The following PHF20 variants were observed in gnomAD, a reference collection of about 807,000 sequenced individuals.
PHF20 encodes glioma-expressed antigen 2.
A neutral mutation model predicts 113.5 loss-of-function variants in PHF20; 23 were observed. The observed-to-expected ratio is 0.20, with a 90% CI of 0.15 to 0.29. The LOEUF is 0.29. Among genes scored for constraint, PHF20 ranks in the 10% least tolerant of loss-of-function variants. PHF20 has a pLI of 1.00. For missense variants in PHF20, 943 were observed against 1,219.6 expected (o/e 0.77, Z 3.38); for synonymous variants, 434 against 457.3 (o/e 0.95, Z 0.65).
chr20:35,823,994 G>C (rs1197111893), intron 2 of PHF20, among the ~76,000 whole-genome samples: 1 of 152,164 alleles, frequency 6.6e-6, no homozygotes, highest in African/African-American at 2.4e-5. Flanking sequence ...AAAGACATAT[G>C]GATTGTTTCC....
chr20:35,831,137 C>G (rs908252906), intron 2 of PHF20, among the ~76,000 whole-genome samples: 1 of 151,010 alleles, frequency 6.6e-6, no homozygotes, highest in Non-Finnish European at 1.5e-5. Flanking sequence ...CCCTCCCTCC[C>G]TCTCTTCCTC....
At chr20:35,871,275 A>T in intron 8 of PHF20, 141 bp downstream of exon 8, 2 of 724,862 alleles carry the variant, frequency 2.8e-6, no homozygotes, top group South Asian at 3.5e-5. Flanking sequence ...TGTTTTTATA[A>T]TGTATTGCTC....
rs1252051184 is a variant in PHF20, at chr20:35,891,393, A to G, written c.1283-7977A>G. 9.3e-5 allele frequency among the ~76,000 whole-genome samples: 14 copies of G among 150,910 alleles called. No individual in the cohort carries two copies. The South Asian group carries it at 2.1e-3, about 23-fold the overall frequency. On this transcript the variant is annotated intron_variant, in intron 9 of 17. Transcript: ENST00000374012. Reference sequence around the variant, plus strand: ...CTCTATGTCAAAAAAAAAAAAAAAAAGGCAGCACATTGGGTATTTCAACAT... The same window carrying G: ...CTCTATGTCAAAAAAAAAAAAAAAAGGGCAGCACATTGGGTATTTCAACAT...
chr20:35,803,360 T>C (rs1488759763), intron 2 of PHF20, among the ~76,000 whole-genome samples: 1 of 151,826 alleles, frequency 6.6e-6, no homozygotes, highest in Non-Finnish European at 1.5e-5. Context: ...GTCTTGCTCT[T>C]TCATTCAGGC....
At chr20:35,928,466 A>AT (rs2055689128) in intron 14 of PHF20, 1 of 141,336 alleles carries the variant, frequency 7.1e-6, no homozygotes, top group Admixed American at 7.1e-5. Flanking sequence ...AAAAAAAAGC[A>AT]TGAGATCTAC....
chr20:35,885,467 CTTTTTTTTTTTTTTTTTTTT>C (rs577878410), intron 9 of PHF20, among the ~76,000 whole-genome samples: 1 of 35,724 alleles, frequency 2.8e-5, no homozygotes, highest in South Asian at 6.2e-4. Context: ...GGGGAATAAG[CTTTTTTTTTTTTTTTTTTTT>C]TTTTTTTTTT....
intron 9 of PHF20, among the ~76,000 whole-genome samples, chr20:35,880,462 C>T (rs2054608123): frequency 6.6e-6 from 1 of 152,046 alleles, no homozygotes; most frequent in African/African-American, 2.4e-5. Context: ...GGGAGATAGC[C>T]TGTGTTGGCA....
At chr20:35,836,786 G>C (rs991761438) in intron 2 of PHF20, among the ~76,000 whole-genome samples, 1 of 150,726 alleles carries the variant, frequency 6.6e-6, no homozygotes, top group African/African-American at 2.4e-5. Context: ...GGCAGAGCCT[G>C]CAGTGAGCCG....
chr20:35,800,462 T>A (rs1422891813), intron 1 of PHF20, among the ~76,000 whole-genome samples: 1 of 151,958 alleles, frequency 6.6e-6, no homozygotes, highest in Admixed American at 6.6e-5. Context: ...GTAGGAAATA[T>A]ACATAGATCA....
chr20:35,917,046 G>A (rs931448004), intron 12 of PHF20: 2 of 289,420 alleles, frequency 6.9e-6, no homozygotes, highest in African/African-American at 4.4e-5. Context: ...TTAGAGGCAT[G>A]AACCACCATG....
At chr20:35,786,389 C>CAATAAATA (rs542171645) in intron 1 of PHF20, among the ~76,000 whole-genome samples, 1 of 149,772 alleles carries the variant, frequency 6.7e-6, no homozygotes, top group African/African-American at 2.5e-5. Context: ...GACTCCGTCT[C>CAATAAATA]AATAAATAAA....
intron 5 of PHF20, among the ~76,000 whole-genome samples, chr20:35,859,685 T>G (rs1473874232): frequency 6.6e-6 from 1 of 151,954 alleles, no homozygotes; most frequent in African/African-American, 2.4e-5. Context: ...TAGCTGAGAC[T>G]AGGCGCGTGC....
At chr20:35,835,848 T>C (rs2042430048) in intron 2 of PHF20, among the ~76,000 whole-genome samples, 1 of 152,058 alleles carries the variant, frequency 6.6e-6, no homozygotes, top group Non-Finnish European at 1.5e-5. Context: ...GAGAATCACT[T>C]GAACCCGGGA....
intron 1 of PHF20, among the ~76,000 whole-genome samples, chr20:35,778,819 G>T (rs1600717536): frequency 6.6e-6 from 1 of 151,636 alleles, no homozygotes; most frequent in East Asian, 1.9e-4. Flanking sequence ...GCTAGATCTT[G>T]GGCTAGGTCC....
At chr20:35,889,350 G>C (rs1434426330) in intron 9 of PHF20, among the ~76,000 whole-genome samples, 1 of 150,918 alleles carries the variant, frequency 6.6e-6, no homozygotes, top group African/African-American at 2.4e-5. Flanking sequence ...TAATATTTTG[G>C]GTTTTATTTT....
At chr20:35,851,698 TGA>T (rs1177259961) in intron 4 of PHF20, among the ~76,000 whole-genome samples, 1 of 151,698 alleles carries the variant, frequency 6.6e-6, no homozygotes, top group Non-Finnish European at 1.5e-5. Context: ...GCGGATTACC[TGA>T]GGTCAGGAGT....
In PHF20 at chr20:35,855,196, C is replaced by G. The variant is rs949617278; in HGVS notation, c.341-3106C>G. The G allele has an allele frequency of 2.3e-5, 27 of 1,164,780 alleles. No homozygotes were observed. The African/African-American group carries it at 3.7e-4, about 16-fold the overall frequency. 72.2% of individuals were successfully genotyped at this position (1,164,780 alleles called of 1,614,324 possible). On this transcript the variant is annotated intron_variant, in intron 4 of 17. Coordinates refer to ENST00000374012, the MANE Select transcript of PHF20 (RefSeq NM_016436.5). ...TGCACCATGGTTGCTTGAGAGGGTTCTGTTTAGAATTCCATAGCATTGTTT... is the reference window on the plus strand; with the variant it reads ...TGCACCATGGTTGCTTGAGAGGGTTGTGTTTAGAATTCCATAGCATTGTTT...
At position 35,913,985 on chromosome 20, in the gene PHF20, C is replaced by T. The variant is rs759148532; in HGVS notation, c.1661-48C>T. Reference sequence around the variant, plus strand: ...TGGATGAGATTGATTCTAGAATGCACCAGTGTTAACTAGGGTTATTCATTC... The same window carrying T: ...TGGATGAGATTGATTCTAGAATGCATCAGTGTTAACTAGGGTTATTCATTC... On this transcript the variant is annotated intron_variant, in intron 11 of 17. Coordinates refer to ENST00000374012, the MANE Select transcript of PHF20 (RefSeq NM_016436.5). The T allele has an allele frequency of 1.1e-5, 17 of 1,567,616 alleles. No individual in the cohort carries two copies. In the East Asian group the frequency reaches 3.8e-4, roughly 35 times the overall value.
chr20:35,787,559 G>C (rs2041447953), intron 1 of PHF20, among the ~76,000 whole-genome samples: 1 of 146,554 alleles, frequency 6.8e-6, no homozygotes, highest in East Asian at 2.0e-4. Context: ...CACAATCTCT[G>C]CTCACTGCAA....
Sources: gnomAD v4.1 joint callset for allele counts (sites outside exome capture counted in the v4.1 genomes callset) on GRCh38, gnomAD v4.1.1 for gene constraint, MANE v1.5 for transcripts, NCBI Gene and HGNC (gene_info 2026-07-23, HGNC 2026-07-21) for gene names.